USP46: variants seen among roughly 807,000 people sequenced by gnomAD.
USP46 encodes the protein ubiquitin specific peptidase 46.
Under a neutral mutation model 44.4 loss-of-function variants are expected in USP46, and 12 were observed. The observed-to-expected ratio is 0.27, with a 90% confidence interval of 0.17 to 0.44. USP46 has a LOEUF of 0.44. Among genes scored for constraint, USP46 ranks in the 20% least tolerant of loss-of-function variants. The pLI is 1.00. For missense variants in USP46, 248 were observed against 444.8 expected, an observed-to-expected ratio of 0.56 and a Z score of 3.98; for synonymous variants, 155 against 161.5, an observed-to-expected ratio of 0.96 and a Z score of 0.31.
At chr4:52,644,755 A>C (rs1718478883) in intron 1 of USP46, among the ~76,000 whole-genome samples, 2 of 151,836 alleles carry the variant, frequency 1.3e-5, no homozygotes, top group African/African-American at 4.8e-5. Flanking sequence ...AAAAAAAAAA[A>C]AAACCTCTGA....
intron 4 of USP46, among the ~76,000 whole-genome samples, chr4:52,614,866 G>C (rs1283921785): frequency 6.6e-6 from 1 of 152,150 alleles, no homozygotes; most frequent in Non-Finnish European, 1.5e-5. Flanking sequence ...GAACAAGGTA[G>C]AGTGGGAGCA....
intron 1 of USP46, among the ~76,000 whole-genome samples, chr4:52,642,282 C>G (rs1392662286): frequency 6.6e-6 from 1 of 152,214 alleles, no homozygotes; most frequent in African/African-American, 2.4e-5. Flanking sequence ...ACTTGTATTT[C>G]ATTCATTTTC....
In USP46 at chr4:52,592,449, T is replaced by A. The variant is rs549425610; in HGVS notation, c.*5191A>T. On this transcript the variant is annotated 3_prime_UTR_variant, in exon 9 of 9. Transcript: ENST00000441222. ...CCATGTTGAATTGTAATCCCCAGTG[T>A]TGGAGGTGGGGCCTGGTGGGAGGTG... The A allele has an allele frequency of 3.7e-4, 58 of 155,278 alleles. No homozygotes were observed. Among genetic ancestry groups the A allele is most frequent in the African/African-American group, 1.3e-3 (56 of 41,738 alleles). 9.6% of individuals were successfully genotyped at this position (155,278 alleles called of 1,614,324 possible).
At chr4:52,632,832 G>C (rs888858429) in intron 1 of USP46, among the ~76,000 whole-genome samples, 1 of 129,018 alleles carries the variant, frequency 7.8e-6, no homozygotes, top group African/African-American at 2.9e-5. Flanking sequence ...GAACAGAACA[G>C]AACAGAAAAA....
intron 4 of USP46, 59 bp downstream of exon 4, chr4:52,625,959 C>A: frequency 6.8e-7 from 1 of 1,475,018 alleles, no homozygotes; most frequent in Non-Finnish European, 9.3e-7. Context: ...CAATCACATG[C>A]AACATAGCGT....
chr4:52,633,004 A>G (rs1315349646), intron 1 of USP46, among the ~76,000 whole-genome samples: 7 of 127,482 alleles, frequency 5.5e-5, no homozygotes, highest in African/African-American at 2.3e-4. Flanking sequence ...GAAAGAAAGA[A>G]AGAAAGAAAG....
At chr4:52,633,467 T>C (rs1035773263) in intron 1 of USP46, among the ~76,000 whole-genome samples, 6 of 152,214 alleles carry the variant, frequency 3.9e-5, no homozygotes, top group African/African-American at 1.4e-4. Flanking sequence ...CAGCAAATTA[T>C]GGTAGGACTT....
chr4:52,613,077 G>C (rs1716993954), intron 4 of USP46, among the ~76,000 whole-genome samples: 1 of 152,114 alleles, frequency 6.6e-6, no homozygotes, highest in African/African-American at 2.4e-5. Flanking sequence ...CAAGCACATG[G>C]GGAGTCCACA....
chr4:52,634,154 C>T (rs1718018611), intron 1 of USP46, among the ~76,000 whole-genome samples: 1 of 150,800 alleles, frequency 6.6e-6, no homozygotes, highest in South Asian at 2.1e-4. Flanking sequence ...TCGCTGTGTC[C>T]CCAGGCTGAA....
At chr4:52,649,066 G>A (rs1001632704) in intron 1 of USP46, among the ~76,000 whole-genome samples, 2 of 152,132 alleles carry the variant, frequency 1.3e-5, no homozygotes, top group African/African-American at 2.4e-5. Context: ...CACCACCACA[G>A]CACCCAGTCA....
chr4:52,603,932 G>A (rs1266299488), intron 6 of USP46, among the ~76,000 whole-genome samples: 2 of 152,136 alleles, frequency 1.3e-5, no homozygotes, highest in South Asian at 2.1e-4. Flanking sequence ...TGATCGGCCT[G>A]TCTTGGCCTC....
rs547676281 is a variant in USP46, at chr4:52,626,266, T to G, written c.332-19A>C. ...AAGAGATCTGGAAAGGAGAAGGTGG[T>G]TATTTCAGTCTCTGGTTCTTGAAAA... On this transcript the variant is annotated intron_variant, in intron 3 of 8. Transcript: ENST00000441222. 4.4e-6 allele frequency: 7 copies of G among 1,591,684 alleles called. No individual in the cohort carries two copies. In the East Asian group the frequency reaches 6.7e-5, roughly 15 times the overall value.
chr4:52,634,760 C>T (rs1718048594), intron 1 of USP46, among the ~76,000 whole-genome samples: 1 of 152,094 alleles, frequency 6.6e-6, no homozygotes, highest in Non-Finnish European at 1.5e-5. Context: ...TGCCTCCCAC[C>T]ACTGTGAAGC....
chr4:52,638,667 A>AAT (rs1470565493), intron 1 of USP46, among the ~76,000 whole-genome samples: 1 of 149,048 alleles, frequency 6.7e-6, no homozygotes, highest in Non-Finnish European at 1.5e-5. Context: ...TTATGAAAAA[A>AAT]ATATATATAT....
chr4:52,628,121 A>G lies in USP46; in HGVS notation c.160T>C (p.Tyr54His). The G allele has an allele frequency of 6.2e-7, 1 of 1,613,976 alleles. No homozygotes were observed. The highest frequency in any genetic ancestry group is 8.5e-7 in the Non-Finnish European group (1 of 1,179,870). ...TTCTCCCGGAATGGACGGCAGAAGT[A>G]CAATGCCTGAAGCACGGAGTTACAG... The part of the protein sequence containing the change: ...CYCNSVLQAL[Y>H]FCRPFRENVL... The change falls in exon 3 of 9, where the codon TAC becomes CAC. Residue 54 changes from tyrosine (Y) to histidine (H), a missense_variant. Coordinates refer to ENST00000441222, the MANE Select transcript of USP46 (RefSeq NM_022832.4).
In USP46 at chr4:52,632,972, GAA is replaced by G. The variant is rs1289395281; in HGVS notation, c.37-1830_37-1829del. Among the ~76,000 whole-genome samples the G allele has an allele frequency of 1.5e-3, 108 of 74,002 alleles. 4 individuals are homozygous for G. Among genetic ancestry groups the G allele is most frequent in the Middle Eastern group, 0.011 (2 of 174 alleles). The allele number at this position is 74,002 out of a possible 152,430, so 48.5% of individuals were successfully genotyped here. A position where few individuals can be genotyped will look rare whatever the true frequency, so the allele number is the denominator to read the frequency against. On this transcript the variant is annotated intron_variant, in intron 1 of 8. Transcript: ENST00000441222. The stretch of plus-strand genomic sequence containing the variant: ...AGAAAGAAAGAAAGAAAGAAAGAAA[GAA>G]AGAAAGAAAGAAAAGAAAAGAAAGA...
chr4:52,600,964 G>T (rs1001421888), intron 7 of USP46, among the ~76,000 whole-genome samples: 2 of 152,148 alleles, frequency 1.3e-5, no homozygotes, highest in African/African-American at 2.4e-5. Context: ...ATAAAATATG[G>T]GGTGCTTCAG....
At chr4:52,622,779 G>A (rs1717429827) in intron 4 of USP46, among the ~76,000 whole-genome samples, 1 of 152,216 alleles carries the variant, frequency 6.6e-6, no homozygotes. Context: ...AACCTGAAGA[G>A]GATTTAGTCA....
At chr4:52,621,145 C>T (rs941926827) in intron 4 of USP46, among the ~76,000 whole-genome samples, 1 of 152,118 alleles carries the variant, frequency 6.6e-6, no homozygotes, top group Admixed American at 6.5e-5. Flanking sequence ...CTTATAGAAG[C>T]TCTTCCAAAG....
Sources: allele counts gnomAD v4.1 joint callset (sites outside exome capture counted in the v4.1 genomes callset), GRCh38; gene constraint gnomAD v4.1.1; transcripts MANE v1.5; gene names NCBI Gene and HGNC (gene_info 2026-07-23, HGNC 2026-07-21).